ANTKMT: variants seen among roughly 807,000 people sequenced by gnomAD.
ANTKMT encodes adenine nucleotide translocase lysine N-methyltransferase.
In ANTKMT, 24 loss-of-function variants were observed where a neutral mutation model predicts 20.7. The observed-to-expected ratio is 1.16, with a 90% confidence interval of 0.84 to 1.63. ANTKMT has a LOEUF of 1.63. ANTKMT is among the 40% of genes most tolerant of loss of function. ANTKMT has a pLI of 0.00. For synonymous variants in ANTKMT, 193 were observed against 161.2 expected, an observed-to-expected ratio of 1.20 and a Z score of -1.49; for missense variants, 428 against 334.8, an observed-to-expected ratio of 1.28 and a Z score of -2.17.
In ANTKMT at chr16:721,807, G is replaced by C; in HGVS notation, c.274G>C (p.Ala92Pro). ...ACACTCTCGGTGCCCACAGGTGCTGGCGGCCCACAGGTGCGGCCTCCGCCC... is the reference window on the plus strand; with the variant it reads ...ACACTCTCGGTGCCCACAGGTGCTGCCGGCCCACAGGTGCGGCCTCCGCCC... Reference protein sequence around the residue: ...LGSGDGRIVLAAHRCGLRPAV... With the variant: ...LGSGDGRIVLPAHRCGLRPAV... Residue 92 changes from alanine to proline, a missense_variant, in exon 3 of 5, where the codon GCG becomes CCG. Ala to Pro is a conservative substitution (Grantham distance 27). Transcript: ENST00000569529. 1 of 1,546,516 alleles carries C rather than the reference G, an allele frequency of 6.5e-7. No homozygotes were observed. Among genetic ancestry groups the C allele is most frequent in the Non-Finnish European group, 8.7e-7 (1 of 1,149,264 alleles).
chr16:721,901 G>T lies in ANTKMT; in HGVS notation c.368G>T (p.Cys123Phe). The T allele has an allele frequency of 1.3e-6, 2 of 1,571,602 alleles. No individual in the cohort carries two copies. Among genetic ancestry groups the T allele is most frequent in the South Asian group, 2.3e-5 (2 of 86,994 alleles). ...CGGCTGCACGCCTGGAGGGCCGGCT[G>T]TGCCGGCAGCGTCTGCTATCGCCGC... ...LARLHAWRAGCAGSVCYRRKD... is the reference protein window; with the variant it reads ...LARLHAWRAGFAGSVCYRRKD... The change falls in exon 3 of 5, where the codon TGT becomes TTT. Residue 123 changes from cysteine to phenylalanine, a missense_variant. By Grantham distance (205) the Cys-to-Phe change is radical (BLOSUM62 -2). Coordinates refer to ENST00000569529, the MANE Select transcript of ANTKMT (RefSeq NM_023933.3).
Position 721,396 on chromosome 16 carries a change from TGCTCCA to T in ANTKMT, c.125_130del (p.Leu42_Gln43del). 7.7e-7 allele frequency: 1 copy of T among 1,297,562 alleles called. No individual in the cohort carries two copies. 80.4% of individuals were successfully genotyped at this position (1,297,562 alleles called of 1,614,324 possible). Reference sequence around the variant, plus strand: ...GCAGCCTACGCGGTGTGGGCGCTGCTGCTCCAGCCCGGCTTCCGGCGCGTGCCGCTG... The same window carrying T: ...GCAGCCTACGCGGTGTGGGCGCTGCTGCCCGGCTTCCGGCGCGTGCCGCTG... On this transcript the variant is annotated inframe_deletion, in exon 1 of 5. Coordinates refer to ENST00000569529, the MANE Select transcript of ANTKMT (RefSeq NM_023933.3).
rs2040223556 is a variant in ANTKMT, at chr16:721,407, G to A, written c.133G>A (p.Gly45Ser). The change falls in exon 1 of 5, where the codon GGC becomes AGC. Residue 45 changes from glycine to serine, a missense_variant. Gly to Ser is a moderately conservative substitution (Grantham distance 56). Coordinates refer to ENST00000569529, the MANE Select transcript of ANTKMT (RefSeq NM_023933.3). ...YAVWALLLQP[G>S]FRRVPLRLQV... ...GGTGTGGGCGCTGCTGCTCCAGCCCGGCTTCCGGCGCGTGCCGCTGCGGCT... is the reference window on the plus strand; with the variant it reads ...GGTGTGGGCGCTGCTGCTCCAGCCCAGCTTCCGGCGCGTGCCGCTGCGGCT... The A allele has an allele frequency of 3.9e-6, 5 of 1,295,954 alleles. No individual in the cohort carries two copies. The highest frequency in any genetic ancestry group is 3.2e-5 in the East Asian group (1 of 30,964). The allele number at this position is 1,295,954 out of a possible 1,614,324, so 80.3% of individuals were successfully genotyped here.
At position 722,533 on chromosome 16, in the gene ANTKMT, G is replaced by C. The variant is rs536901647; in HGVS notation, c.684G>C (p.Gly228=). The C allele has an allele frequency of 6.2e-7, 1 of 1,609,782 alleles. No homozygotes were observed. The highest frequency in any genetic ancestry group is 1.7e-5 in the Admixed American group (1 of 59,964). Residue 228 remains glycine (G), a synonymous_variant, in exon 5 of 5, where the codon GGG becomes GGC. Coordinates refer to ENST00000569529, the MANE Select transcript of ANTKMT (RefSeq NM_023933.3). ...GACCTAGTTCTGCCCCCATCCCGGG[G>C]GGCCTTATTTCTCAGGCCAGCTGAG... ...APGPSSAPIP[G]GLISQAS
At chr16:721,559 C>A (rs978538175) in intron 1 of ANTKMT, 39 bp from the exon 2 acceptor site, 1 of 1,513,002 alleles carries the variant, frequency 6.6e-7, no homozygotes, top group Admixed American at 2.1e-5. Flanking sequence ...GCGGGCGGGG[C>A]GGGAGCGGCC....
At position 722,507 on chromosome 16, in the gene ANTKMT, G is replaced by T. The variant is rs370792065; in HGVS notation, c.658G>T (p.Gly220Ter). ...SSRIPIQAAPGPSSAPIPGGL... is the reference protein window; with the variant it reads ...SSRIPIQAAP Reference sequence around the variant, plus strand: ...GCGGATACCCATCCAGGCTGCCCCCGGACCTAGTTCTGCCCCCATCCCGGG... The same window carrying T: ...GCGGATACCCATCCAGGCTGCCCCCTGACCTAGTTCTGCCCCCATCCCGGG... Residue 220 changes from glycine to a stop codon, truncating the protein, a stop_gained, in exon 5 of 5, where the codon GGA becomes TGA. Transcript: ENST00000569529. LOFTEE classifies it low-confidence loss of function (END_TRUNC). The T allele has an allele frequency of 1.2e-6, 2 of 1,612,304 alleles. No individual in the cohort carries two copies. Among genetic ancestry groups the T allele is most frequent in the South Asian group, 1.1e-5 (1 of 91,050 alleles).
chr16:722,171 A>G (rs777814530), intron 4 of ANTKMT, 37 bp downstream of exon 4: 3 of 1,598,292 alleles, frequency 1.9e-6, no homozygotes, highest in Non-Finnish European at 2.6e-6. Context: ...GGGAAGCCCC[A>G]GCCACACCCC....
At position 721,946 on chromosome 16, in the gene ANTKMT, C is replaced by T. The variant is rs572518499; in HGVS notation, c.408+5C>T. The stretch of plus-strand genomic sequence containing the variant: ...CGCCGCAAGGATCTCTGGAAGGTAA[C>T]CTGGGGATCCCTGGCCACCCGCTGA... On this transcript the variant is annotated splice_donor_5th_base_variant and intron_variant, in intron 3 of 4. Transcript: ENST00000569529. The T allele has an allele frequency of 3.2e-6, 5 of 1,565,590 alleles. No homozygotes were observed. The African/African-American group carries it at 5.4e-5, about 17-fold the overall frequency.
At chr16:721,538 C>A (rs903712870) in intron 1 of ANTKMT, 60 bp from the exon 2 acceptor site, 11 of 1,479,602 alleles carry the variant, frequency 7.4e-6, no homozygotes, top group South Asian at 1.3e-5. Context: ...TGTGGTAGTT[C>A]GGGCCGGGCT....
rs754868665 is a variant in ANTKMT at position 721,295 on chromosome 16, C to A, written c.21C>A (p.Val7=). 7.5e-7 allele frequency: 1 copy of A among 1,337,852 alleles called. No individual in the cohort carries two copies. The highest frequency in any genetic ancestry group is 9.6e-7 in the Non-Finnish European group (1 of 1,045,728). The allele number at this position is 1,337,852 out of a possible 1,614,324, so 82.9% of individuals were successfully genotyped here. MEQDDP[V]EALTELRERR... Reference sequence around the variant, plus strand: ...CAGCCATGGAGCAGGACGACCCGGTCGAGGCGCTGACGGAGCTGCGCGAGC... The same window carrying A: ...CAGCCATGGAGCAGGACGACCCGGTAGAGGCGCTGACGGAGCTGCGCGAGC... Residue 7 remains valine, a synonymous_variant, in exon 1 of 5, where the codon GTC becomes GTA. Transcript: ENST00000569529.
rs573980446 is a variant in ANTKMT, at chr16:721,629, T to G, written c.194T>G (p.Val65Gly). 2 of 1,546,486 alleles carry G rather than the reference T, an allele frequency of 1.3e-6. No homozygotes were observed. The highest frequency in any genetic ancestry group is 3.9e-5 in the Admixed American group (2 of 51,082). ...VPYVGASARQVEHVLSLLRGR... is the reference protein window; with the variant it reads ...VPYVGASARQGEHVLSLLRGR... ...TACGTCGGCGCGAGCGCGCGGCAGG[T>G]GGAGCACGTGTTGTCGCTGCTGCGA... is the stretch of plus-strand genomic sequence containing the variant. Residue 65 changes from valine to glycine, a missense_variant, in exon 2 of 5, where the codon GTG becomes GGG. Val to Gly is a moderately radical substitution (Grantham distance 109). Transcript: ENST00000569529.
Position 721,233 on chromosome 16 carries a change from C to G in ANTKMT, c.-42C>G, listed in dbSNP as rs112785501. The G allele has an allele frequency of 3.3e-6, 4 of 1,229,046 alleles. No individual in the cohort carries two copies. The highest frequency in any genetic ancestry group is 3.2e-5 in the South Asian group (1 of 31,470). 76.1% of individuals were successfully genotyped at this position (1,229,046 alleles called of 1,614,324 possible). A position where few individuals can be genotyped will look rare whatever the true frequency, so the allele number is the denominator to read the frequency against. ...AGGCTGCGAGGGCCGCGGACCCGAGCCGGGAAGGACCTTGGGCGGACGAGC... is the reference window on the plus strand; with the variant it reads ...AGGCTGCGAGGGCCGCGGACCCGAGGCGGGAAGGACCTTGGGCGGACGAGC... On this transcript the variant is annotated 5_prime_UTR_variant, in exon 1 of 5. Coordinates refer to ENST00000569529, the MANE Select transcript of ANTKMT (RefSeq NM_023933.3).
intron 1 of ANTKMT, 29 bp downstream of exon 1, chr16:721,465 G>A: frequency 3.7e-6 from 5 of 1,367,192 alleles, no homozygotes; most frequent in Non-Finnish European, 4.7e-6. Context: ...CCGGGCAGGG[G>A]AGCTCGGCTG....
rs553844622 is a variant in ANTKMT at position 721,331 on chromosome 16, C to G, written c.57C>G (p.Gly19=). The change falls in exon 1 of 5, where the codon GGC becomes GGG. Residue 19 remains glycine, a synonymous_variant. Transcript: ENST00000569529. ...CGGAGCTGCGCGAGCGGCGGCTGGGCGCGCTGGAGCTGCTGCAGGCGGCGG... is the reference window on the plus strand; with the variant it reads ...CGGAGCTGCGCGAGCGGCGGCTGGGGGCGCTGGAGCTGCTGCAGGCGGCGG... The part of the protein sequence containing the change: ...ALTELRERRL[G]ALELLQAAAG... 7.4e-7 allele frequency: 1 copy of G among 1,349,010 alleles called. No individual in the cohort carries two copies. Among genetic ancestry groups the G allele is most frequent in the Non-Finnish European group, 9.5e-7 (1 of 1,049,542 alleles). The allele number at this position is 1,349,010 out of a possible 1,614,324, so 83.6% of individuals were successfully genotyped here.
intron 2 of ANTKMT, 47 bp from the exon 3 acceptor site, chr16:721,754 G>T: frequency 2.6e-6 from 4 of 1,535,164 alleles, no homozygotes; most frequent in Non-Finnish European, 1.8e-6. Flanking sequence ...ACCTGCTGGC[G>T]GGCGCCCCTG....
rs1052230317 is a variant in ANTKMT, at chr16:721,783, C to G, written c.268-18C>G. The G allele has an allele frequency of 6.5e-7, 1 of 1,536,782 alleles. No individual in the cohort carries two copies. The highest frequency in any genetic ancestry group is 8.8e-7 in the Non-Finnish European group (1 of 1,142,782). ...GCCCCTGCCCACATCCTGGTTCCCA[C>G]ACTCTCGGTGCCCACAGGTGCTGGC... On this transcript the variant is annotated intron_variant, in intron 2 of 4. Transcript: ENST00000569529.
Position 721,192 on chromosome 16 carries a change from C to G in ANTKMT, c.-83C>G. 8.4e-7 allele frequency: 1 copy of G among 1,191,902 alleles called. No homozygotes were observed. The highest frequency in any genetic ancestry group is 1.0e-6 in the Non-Finnish European group (1 of 959,324). The allele number at this position is 1,191,902 out of a possible 1,614,324, so 73.8% of individuals were successfully genotyped here. A position where few individuals can be genotyped will look rare whatever the true frequency, so the allele number is the denominator to read the frequency against. Reference sequence around the variant, plus strand: ...CTCCCGGCAGGAGGCAGAGGGCACACCGCCAGCCCCAGGCCAGGCTGCGAG... The same window carrying G: ...CTCCCGGCAGGAGGCAGAGGGCACAGCGCCAGCCCCAGGCCAGGCTGCGAG... On this transcript the variant is annotated 5_prime_UTR_variant, in exon 1 of 5. Transcript: ENST00000569529.
In ANTKMT at chr16:722,138, G is replaced by C. The variant is rs2040253469; in HGVS notation, c.459+4G>C. On this transcript the variant is annotated splice_donor_region_variant and intron_variant, in intron 4 of 4. Coordinates refer to ENST00000569529, the MANE Select transcript of ANTKMT (RefSeq NM_023933.3). The stretch of plus-strand genomic sequence containing the variant: ...TGTGTTCCTGGCCCCTAGCGTGGTA[G>C]GTGCGGGGTTGCCAGCCCCGCTGGG... 1.9e-6 allele frequency: 3 copies of C among 1,606,874 alleles called. No individual in the cohort carries two copies. Among genetic ancestry groups the C allele is most frequent in the Non-Finnish European group, 2.5e-6 (3 of 1,178,380 alleles).
At position 722,110 on chromosome 16, in the gene ANTKMT, G is replaced by T; in HGVS notation, c.435G>T (p.Val145=). 6.2e-7 allele frequency: 1 copy of T among 1,609,184 alleles called. No individual in the cohort carries two copies. The change falls in exon 4 of 5, where the codon GTG becomes GTT. Residue 145 remains valine, a synonymous_variant. Transcript: ENST00000569529. The part of the protein sequence containing the change: ...WKVSLRDCRN[V]SVFLAPSVLP... ...TGAGCCTGAGGGACTGCCGCAACGTGTCTGTGTTCCTGGCCCCTAGCGTGG... is the reference window on the plus strand; with the variant it reads ...TGAGCCTGAGGGACTGCCGCAACGTTTCTGTGTTCCTGGCCCCTAGCGTGG...
Sources: gnomAD v4.1 joint callset for allele counts on GRCh38, gnomAD v4.1.1 for gene constraint, MANE v1.5 for transcripts, NCBI Gene and HGNC (gene_info 2026-07-23, HGNC 2026-07-21) for gene names.